The following HLTF variants were observed in gnomAD, a reference collection of about 807,000 sequenced individuals.
HLTF encodes DNA-dependent ATPase/E3 ubiquitin-protein ligase HLTF.
A neutral mutation model predicts 129.4 loss-of-function variants in HLTF; 127 were observed. The ratio of observed to expected loss-of-function variants is 0.98; its 90% CI spans 0.85 to 1.14. The LOEUF (loss-of-function observed/expected upper bound fraction) is 1.14, where lower values mean the gene tolerates loss of function less well. HLTF is among the 50% of genes most tolerant of loss of function. The pLI is 0.00. For synonymous variants in HLTF, 332 were observed against 388.8 expected (o/e 0.85, Z 1.72); for missense variants, 1,139 against 1,187.1 (o/e 0.96, Z 0.60).
At position 149,074,278 on chromosome 3, in the gene HLTF, T is replaced by C; in HGVS notation, c.466A>G (p.Asn156Asp). 6.2e-7 allele frequency: 1 copy of C among 1,613,764 alleles called. No individual in the cohort carries two copies. Among genetic ancestry groups the C allele is most frequent in the East Asian group, 2.2e-5 (1 of 44,802 alleles). The change falls in exon 4 of 25, where the codon AAT becomes GAT. Residue 156 changes from asparagine (N) to aspartate (D), a missense_variant. Transcript: ENST00000310053. The stretch of plus-strand genomic sequence containing the variant: ...AACTGATCTGAAACCGCTTTTCTAT[T>C]TTCTTCTTTTCCCCAAAAAGTCATA... Reference protein sequence around the residue: ...LHMTFWGKEENRKAVSDQLKK... With the variant: ...LHMTFWGKEEDRKAVSDQLKK...
chr3:149,051,765 G>A (rs1717020467), intron 14 of HLTF, among the ~76,000 whole-genome samples: 1 of 152,100 alleles, frequency 6.6e-6, no homozygotes, highest in Non-Finnish European at 1.5e-5. Flanking sequence ...AGCTACTCGG[G>A]AGGCTAAGGC....
chr3:149,033,211 TAAG>T (rs1418142727), intron 24 of HLTF, among the ~76,000 whole-genome samples: 1 of 152,124 alleles, frequency 6.6e-6, no homozygotes, highest in Non-Finnish European at 1.5e-5. Flanking sequence ...TAACATTGTT[TAAG>T]AAGACCCAAT....
chr3:149,055,408 AATGAACCACT>A lies in HLTF; in HGVS notation c.1376-18_1376-9del. 6.3e-7 allele frequency: 1 copy of A among 1,595,310 alleles called. No homozygotes were observed. Among genetic ancestry groups the A allele is most frequent in the South Asian group, 1.1e-5 (1 of 90,598 alleles). ...CCTCCACTGCACAAGCTCCTAAAAA[AATGAACCACT>A]GATAGAACCTTTAGCTGTTTTTCTG... On this transcript the variant is annotated splice_polypyrimidine_tract_variant and intron_variant, in intron 13 of 24. Coordinates refer to ENST00000310053, the MANE Select transcript of HLTF (RefSeq NM_003071.4).
intron 7 of HLTF, among the ~76,000 whole-genome samples, chr3:149,070,540 T>C (rs1441343246): frequency 6.6e-6 from 1 of 152,214 alleles, no homozygotes; most frequent in Non-Finnish European, 1.5e-5. Context: ...CAAAAGCTCT[T>C]TGAAATCAGT....
rs1327639252 is a variant in HLTF at position 149,030,723 on chromosome 3, A to G, written c.*1497T>C. ...TTATTCCACTATCATCCCTGCAGAA[A>G]GGTCTTGGTTTTGATGAAAATCAGC... On this transcript the variant is annotated 3_prime_UTR_variant, in exon 25 of 25. Coordinates refer to ENST00000310053, the MANE Select transcript of HLTF (RefSeq NM_003071.4). The G allele has an allele frequency of 1.3e-5, 2 of 152,198 alleles. No homozygotes were observed. Among genetic ancestry groups the G allele is most frequent in the African/African-American group, 4.8e-5 (2 of 41,452 alleles). The allele number at this position is 152,198 out of a possible 1,614,324, so 9.4% of individuals were successfully genotyped here.
In HLTF at chr3:149,032,228, C is replaced by A. The variant is rs776295631; in HGVS notation, c.3022G>T (p.Asp1008Tyr). 2 of 1,580,354 alleles carry A rather than the reference C, an allele frequency of 1.3e-6. No homozygotes were observed. The highest frequency in any genetic ancestry group is 4.6e-5 in the East Asian group (2 of 43,926). ...TACTAAAATCCCACAAATTATAAGTCAATTAATGTTCTGATTTCATTAATT... is the reference window on the plus strand; with the variant it reads ...TACTAAAATCCCACAAATTATAAGTAAATTAATGTTCTGATTTCATTAATT... ...AKINEIRTLI[D>Y]L Residue 1008 changes from aspartate (D) to tyrosine (Y), a missense_variant, in exon 25 of 25, where the codon GAC (aspartate) becomes TAC (tyrosine). Transcript: ENST00000310053.
intron 18 of HLTF, among the ~76,000 whole-genome samples, chr3:149,043,547 GAA>G (rs35953851): frequency 7.1e-4 from 59 of 83,664 alleles, no homozygotes; most frequent in African/African-American, 2.1e-3. Context: ...ACTTCAGAGG[GAA>G]AAAAAAAAAA....
chr3:149,036,127 T>A (rs1715600143), intron 23 of HLTF, among the ~76,000 whole-genome samples: 1 of 150,402 alleles, frequency 6.6e-6, no homozygotes, highest in South Asian at 2.1e-4. Context: ...AGAGCGAGAC[T>A]ACATCTCAAA....
At chr3:149,077,014 C>T (rs1361667960) in intron 2 of HLTF, among the ~76,000 whole-genome samples, 2 of 151,900 alleles carry the variant, frequency 1.3e-5, no homozygotes, top group East Asian at 1.9e-4. Flanking sequence ...TTTGGGAGGC[C>T]GAGGTGGGAA....
At chr3:149,080,044 A>G (rs1719738015) in intron 2 of HLTF, among the ~76,000 whole-genome samples, 2 of 152,198 alleles carry the variant, frequency 1.3e-5, no homozygotes, top group African/African-American at 4.8e-5. Flanking sequence ...TACACTAAAA[A>G]AAAAAATCTA....
In HLTF at chr3:149,034,296, G is replaced by A. The variant is rs116213243; in HGVS notation, c.2877+622C>T. 6.1e-3 allele frequency among the ~76,000 whole-genome samples: 923 copies of A among 152,158 alleles called. 1 individual carries two copies. Among genetic ancestry groups the A allele is most frequent in the Non-Finnish European group, 9.6e-3 (652 of 67,990 alleles). ...TGTGAAAAGATTTATATATAATAAT[G>A]CTCATTATGGCACTGTTTTTATTAG... is the stretch of plus-strand genomic sequence containing the variant. On this transcript the variant is annotated intron_variant, in intron 24 of 24. Coordinates refer to ENST00000310053, the MANE Select transcript of HLTF (RefSeq NM_003071.4).
intron 18 of HLTF, among the ~76,000 whole-genome samples, chr3:149,043,105 A>G (rs570273263): frequency 1.2e-4 from 18 of 152,158 alleles, no homozygotes; most frequent in African/African-American, 3.9e-4. Context: ...CCAAAAAAAA[A>G]AAATCTTAAA....
At chr3:149,081,796 C>G (rs1719897433) in intron 2 of HLTF, among the ~76,000 whole-genome samples, 1 of 152,070 alleles carries the variant, frequency 6.6e-6, no homozygotes, top group Non-Finnish European at 1.5e-5. Context: ...AATGGTTATT[C>G]AACTTGGAAA....
intron 13 of HLTF, among the ~76,000 whole-genome samples, chr3:149,056,300 A>G (rs1293788674): frequency 6.6e-6 from 1 of 152,250 alleles, no homozygotes; most frequent in Non-Finnish European, 1.5e-5. Context: ...AAAATTCTTA[A>G]TACTTTTCTG....
chr3:149,054,781 C>A (rs540328680), intron 14 of HLTF, among the ~76,000 whole-genome samples: 1 of 152,252 alleles, frequency 6.6e-6, no homozygotes, highest in South Asian at 2.1e-4. Context: ...CATTTATTAG[C>A]TGGATGACCT....
chr3:149,084,275 G>A (rs1720135016), intron 2 of HLTF, among the ~76,000 whole-genome samples: 1 of 152,260 alleles, frequency 6.6e-6, no homozygotes, highest in South Asian at 2.1e-4. Context: ...AAACTCCTAA[G>A]GAATCTCCTG....
chr3:149,065,267 C>T (rs1718263951), intron 8 of HLTF, among the ~76,000 whole-genome samples: 1 of 152,110 alleles, frequency 6.6e-6, no homozygotes, highest in South Asian at 2.1e-4. Context: ...CCATTGTCAT[C>T]CTCTCTTTCT....
intron 7 of HLTF, among the ~76,000 whole-genome samples, chr3:149,069,471 A>AG (rs527512422): frequency 6.5e-4 from 86 of 131,478 alleles, no homozygotes; most frequent in African/African-American, 2.8e-3. Context: ...CTCCATCTCA[A>AG]GAAAAAAAAA....
At chr3:149,058,228 T>C (rs1717638877) in intron 13 of HLTF, among the ~76,000 whole-genome samples, 1 of 152,144 alleles carries the variant, frequency 6.6e-6, no homozygotes. Context: ...TGTGCTACCA[T>C]GCCTGGCTAA....
Sources: allele counts gnomAD v4.1 joint callset (sites outside exome capture counted in the v4.1 genomes callset), GRCh38; gene constraint gnomAD v4.1.1; transcripts MANE v1.5; gene names NCBI Gene and HGNC (gene_info 2026-07-23, HGNC 2026-07-21).